The following CDH5 variants were observed in gnomAD, a reference collection of about 807,000 sequenced individuals.
The protein encoded by CDH5 is cadherin 5.
A neutral mutation model predicts 62.0 loss-of-function variants in CDH5; 28 were observed. The observed-to-expected ratio is 0.45, with a 90% CI of 0.33 to 0.62. The LOEUF (loss-of-function observed/expected upper bound fraction) is 0.62, where lower values mean the gene tolerates loss of function less well. Ranked by LOEUF, CDH5 falls within the 20% of genes least tolerant of loss-of-function variation. CDH5 has a pLI of 0.02. For synonymous variants in CDH5, 464 were observed against 445.8 expected, an observed-to-expected ratio of 1.04 and a Z score of -0.52; for missense variants, 940 against 1,065.1, an observed-to-expected ratio of 0.88 and a Z score of 1.63.
In CDH5 at chr16:66,390,918, G is replaced by A. The variant is rs555360760; in HGVS notation, c.969+328G>A. On this transcript the variant is annotated intron_variant, in intron 6 of 11. Transcript: ENST00000341529. ...AAGGAGCTGGGGTATTTATACACCC[G>A]CTGTCCGTGGTGTTGACTGGGGGCT... Among the ~76,000 whole-genome samples the A allele has an allele frequency of 9.5e-4, 144 of 152,324 alleles. 1 individual carries two copies. Among genetic ancestry groups the A allele is most frequent in the African/African-American group, 3.4e-3 (140 of 41,582 alleles).
In CDH5 at chr16:66,386,804, T is replaced by G. The variant is rs1229412409; in HGVS notation, c.211-5T>G. The G allele has an allele frequency of 1.3e-6, 2 of 1,596,338 alleles. No homozygotes were observed. Among genetic ancestry groups the G allele is most frequent in the African/African-American group, 1.3e-5 (1 of 74,632 alleles). On this transcript the variant is annotated splice_region_variant and splice_polypyrimidine_tract_variant and intron_variant, in intron 2 of 11. Transcript: ENST00000341529. Reference sequence around the variant, plus strand: ...TCCCAGCTCACGTCACCTCTTCTTTTCTAGATCAAGTCAAGCGTGAGTCGC... The same window carrying G: ...TCCCAGCTCACGTCACCTCTTCTTTGCTAGATCAAGTCAAGCGTGAGTCGC...
intron 7 of CDH5, chr16:66,392,744 T>C: frequency 4.3e-6 from 1 of 232,034 alleles, no homozygotes; most frequent in East Asian, 9.3e-5. Context: ...ACTGTATTCT[T>C]GAATCTATCT....
At chr16:66,402,569 A>AG in intron 11 of CDH5, 83 bp from the exon 12 acceptor site, 1 of 1,087,996 alleles carries the variant, frequency 9.2e-7, no homozygotes, top group Non-Finnish European at 1.2e-6. Flanking sequence ...GTGGGGTTGC[A>AG]GGGGGCAGTG....
At chr16:66,386,578 T>C (rs1447973468) in intron 2 of CDH5, among the ~76,000 whole-genome samples, 1 of 152,196 alleles carries the variant, frequency 6.6e-6, no homozygotes, top group Non-Finnish European at 1.5e-5. Context: ...TTTAGGATTA[T>C]GGCCTGCAGC....
rs750249761 is a variant in CDH5 at position 66,369,275 on chromosome 16, G to A, written c.-20+2517G>A. ...ACAGAAAGAGTAGGAGGTGGGCCCA[G>A]AGTAGAGCCAGGAAATGAGGTCAAG... is the stretch of plus-strand genomic sequence containing the variant. On this transcript the variant is annotated intron_variant, in intron 1 of 11. Coordinates refer to ENST00000341529, the MANE Select transcript of CDH5 (RefSeq NM_001795.5). 1.8e-4 allele frequency among the ~76,000 whole-genome samples: 27 copies of A among 152,160 alleles called. 1 individual carries two copies. The highest frequency in any genetic ancestry group is 7.3e-5 in the Non-Finnish European group (5 of 68,034).
chr16:66,400,346 T>A (rs544283519), intron 10 of CDH5, among the ~76,000 whole-genome samples: 16 of 152,366 alleles, frequency 1.1e-4, no homozygotes, highest in African/African-American at 3.8e-4. Flanking sequence ...AGAAGCTGCC[T>A]TAGAAATTAG....
intron 4 of CDH5, 43 bp from the exon 5 acceptor site, chr16:66,389,315 C>A: frequency 2.5e-6 from 4 of 1,580,308 alleles, no homozygotes; most frequent in South Asian, 1.2e-5. Flanking sequence ...TCGGTATTTT[C>A]TAGAAGCTGG....
rs375131491 is a variant in CDH5, at chr16:66,379,527, C to T, written c.190C>T (p.Leu64Phe). The T allele has an allele frequency of 1.2e-6, 2 of 1,614,102 alleles. No individual in the cohort carries two copies. The highest frequency in any genetic ancestry group is 1.7e-5 in the Admixed American group (1 of 60,018). The stretch of plus-strand genomic sequence containing the variant: ...CATTGATGAAGAGAAAAACACCTCA[C>T]TTCCCCATCATGTAGGCAAGGTAAG... ...MHIDEEKNTS[L>F]PHHVGKIKSS... is the part of the protein sequence containing the mutation. The change falls in exon 2 of 12, where the codon CTT becomes TTT. Residue 64 changes from leucine (L) to phenylalanine (F), a missense_variant. Leu to Phe is a conservative substitution (Grantham distance 22). Transcript: ENST00000341529.
At chr16:66,379,279 G>C in intron 1 of CDH5, 40 bp from the exon 2 acceptor site, 4 of 1,457,732 alleles carry the variant, frequency 2.7e-6, no homozygotes, top group Middle Eastern at 2.5e-4. Flanking sequence ...TCCTTTCATC[G>C]TCACTGGCCA....
At chr16:66,395,649 A>C (rs1961172199) in intron 7 of CDH5, 1 of 153,392 alleles carries the variant, frequency 6.5e-6, no homozygotes, top group South Asian at 2.1e-4. Context: ...AGAACTTTTT[A>C]AGTTTTTTAT....
intron 1 of CDH5, 146 bp from the exon 2 acceptor site, chr16:66,379,173 G>C (rs1461526209): frequency 1.5e-6 from 1 of 661,508 alleles, no homozygotes; most frequent in African/African-American, 1.8e-5. Context: ...CCCTGAAAGG[G>C]GGAACAATAA....
chr16:66,403,048 C>G lies in CDH5; in HGVS notation c.2234C>G (p.Ser745Cys). The change falls in exon 12 of 12, where the codon TCC becomes TGC. Residue 745 changes from serine (S) to cysteine (C), a missense_variant. Transcript: ENST00000341529. The surrounding 1 kb of genome is among the most constrained non-coding windows in gnomAD (Gnocchi z 4.3). ...GAGTCCATAGCCGAGTCCCTCAGCTCCCTGGGCACCGACTCATCCGACTCT... is the reference window on the plus strand; with the variant it reads ...GAGTCCATAGCCGAGTCCCTCAGCTGCCTGGGCACCGACTCATCCGACTCT... ...GSESIAESLS[S>C]LGTDSSDSDV... 1 of 1,613,490 alleles carries G rather than the reference C, an allele frequency of 6.2e-7. No individual in the cohort carries two copies. Among genetic ancestry groups the G allele is most frequent in the South Asian group, 1.1e-5 (1 of 90,944 alleles).
At position 66,401,160 on chromosome 16, in the gene CDH5, A is replaced by G. The variant is rs978015912; in HGVS notation, c.1837+144A>G. On this transcript the variant is annotated intron_variant, in intron 11 of 11. Coordinates refer to ENST00000341529, the MANE Select transcript of CDH5 (RefSeq NM_001795.5). ...CCAATCTGCAATGCAGCCCTTAGCC[A>G]GTTCATGTGCAGGATGCAGGATGTG... 7 of 1,090,624 alleles carry G rather than the reference A, an allele frequency of 6.4e-6. No homozygotes were observed. The South Asian group carries it at 1.0e-4, about 16-fold the overall frequency. 67.6% of individuals were successfully genotyped at this position (1,090,624 alleles called of 1,614,324 possible).
intron 2 of CDH5, among the ~76,000 whole-genome samples, chr16:66,382,129 G>A (rs7404401): frequency 0.59 from 89,577 of 151,712 alleles, 26,858 homozygotes; most frequent in East Asian, 0.81. Context: ...TGAGAAGGCC[G>A]GTGTGGCCCC....
At chr16:66,397,058 C>T (rs1381815360) in intron 8 of CDH5, among the ~76,000 whole-genome samples, 1 of 152,188 alleles carries the variant, frequency 6.6e-6, no homozygotes, top group Non-Finnish European at 1.5e-5. Context: ...CCCACCAATG[C>T]CACCATGCAG....
intron 2 of CDH5, among the ~76,000 whole-genome samples, chr16:66,381,886 G>C (rs976146129): frequency 6.6e-6 from 1 of 152,226 alleles, no homozygotes; most frequent in Non-Finnish European, 1.5e-5. Flanking sequence ...TGACCATAAG[G>C]CTACAAATAT....
At chr16:66,388,536 C>T in intron 4 of CDH5, 96 bp downstream of exon 4, 1 of 789,632 alleles carries the variant, frequency 1.3e-6, no homozygotes, top group Non-Finnish European at 2.2e-6. Flanking sequence ...TCCAGTCTGA[C>T]AGGTGTCACT....
At chr16:66,388,504 C>A in intron 4 of CDH5, 64 bp downstream of exon 4, 1 of 1,068,274 alleles carries the variant, frequency 9.4e-7, no homozygotes, top group Non-Finnish European at 1.5e-6. Flanking sequence ...GTGGATACTC[C>A]AGGTGCATGT....
chr16:66,396,456 T>C (rs1429643604), intron 8 of CDH5, among the ~76,000 whole-genome samples: 2 of 152,154 alleles, frequency 1.3e-5, no homozygotes, highest in Non-Finnish European at 2.9e-5. Context: ...TGTCACAGTT[T>C]GAAAACCACT....
Sources: gnomAD v4.1 joint callset for allele counts (sites outside exome capture counted in the v4.1 genomes callset) on GRCh38, gnomAD v4.1.1 for gene constraint, Gnocchi (gnomAD v3.1) non-coding constraint, MANE v1.5 for transcripts, NCBI Gene and HGNC (gene_info 2026-07-23, HGNC 2026-07-21) for gene names.